The following CTBP1 variants were observed in gnomAD, a reference collection of about 807,000 sequenced individuals.
The protein encoded by CTBP1 is C-terminal-binding protein 1.
CTBP1 carries 11 observed loss-of-function variants against 42.1 expected under a neutral mutation model. The observed-to-expected ratio is 0.26, with a 90% confidence interval of 0.16 to 0.43. The LOEUF is 0.43. Ranked by LOEUF, CTBP1 falls within the 20% of genes least tolerant of loss-of-function variation. The pLI, the probability that CTBP1 is intolerant of heterozygous loss-of-function variation, is 1.00. For missense variants in CTBP1, 399 were observed against 624.3 expected (o/e 0.64, Z 3.85); for synonymous variants, 324 against 277.1 (o/e 1.17, Z -1.68).
intron 1 of CTBP1, chr4:1,245,158 CCTTGGACGGCAG>C: frequency 1.0e-6 from 1 of 985,460 alleles, no homozygotes; most frequent in Non-Finnish European, 1.2e-6. Context: ...CGATACGGCA[CCTTGGACGGCAG>C]CATCCCTGTG....
rs759489298 is a variant in CTBP1, at chr4:1,215,982, T to A, written c.729+9A>T. ...AGAAGTAGAGTCCTGTGTCCCCGGC[T>A]CCACGCACCTGCTTGACGGTGAAGT... is the stretch of plus-strand genomic sequence containing the variant. On this transcript the variant is annotated intron_variant, in intron 6 of 9. Transcript: ENST00000382952. The A allele has an allele frequency of 1.8e-5, 29 of 1,604,224 alleles. No individual in the cohort carries two copies. The South Asian group carries it at 3.1e-4, about 17-fold the overall frequency.
intron 6 of CTBP1, 141 bp from the exon 7 acceptor site, chr4:1,214,614 G>T (rs972267712): frequency 2.7e-6 from 3 of 1,130,558 alleles, no homozygotes; most frequent in Non-Finnish European, 3.6e-6. Context: ...TCACCACGGC[G>T]CTAGGACTGA....
Position 1,212,339 on chromosome 4 carries a change from G to T in CTBP1, c.1191C>A (p.Ser397=), listed in dbSNP as rs137891531. ...GGTGGGCCACAGGGGGCAGGCCGTG[G>T]GACAGGGACATGGCGCTGGGGACGA... is the stretch of plus-strand genomic sequence containing the variant. ...EGIVPSAMSL[S]HGLPPVAHPP... The change falls in exon 10 of 10, where the codon TCC becomes TCA. Residue 397 remains serine (S), a synonymous_variant. Transcript: ENST00000382952. 2.5e-4 allele frequency: 385 copies of T among 1,519,808 alleles called. 2 individuals are homozygous for T. The South Asian group carries it at 3.7e-3, about 15-fold the overall frequency. The allele number at this position is 1,519,808 out of a possible 1,614,324, so 94.1% of individuals were successfully genotyped here. A position where few individuals can be genotyped will look rare whatever the true frequency, so the allele number is the denominator to read the frequency against.
chr4:1,219,977 T>C (rs1729553267), intron 5 of CTBP1, among the ~76,000 whole-genome samples: 1 of 152,162 alleles, frequency 6.6e-6, no homozygotes. Context: ...GAGGCCAAGA[T>C]GGGTGGATCA....
At chr4:1,229,712 G>C (rs1051476929) in intron 3 of CTBP1, among the ~76,000 whole-genome samples, 3 of 152,212 alleles carry the variant, frequency 2.0e-5, no homozygotes, top group African/African-American at 7.2e-5. Flanking sequence ...ACGTGGGCAG[G>C]GTGAGGGCAG....
intron 5 of CTBP1, chr4:1,223,623 C>G (rs977739557): frequency 2.5e-6 from 1 of 397,066 alleles, no homozygotes; most frequent in Non-Finnish European, 5.0e-6. Flanking sequence ...GGGAGACAGG[C>G]AGCTGGGCCA....
chr4:1,217,885 G>C (rs1263072751), intron 5 of CTBP1: 1 of 152,242 alleles, frequency 6.6e-6, no homozygotes, highest in Non-Finnish European at 1.5e-5. Context: ...AACATGCTCA[G>C]AGATGACAAC....
intron 5 of CTBP1, among the ~76,000 whole-genome samples, chr4:1,224,607 G>A (rs1443245020): frequency 1.3e-5 from 2 of 150,686 alleles, no homozygotes; most frequent in Non-Finnish European, 3.0e-5. Flanking sequence ...ACGATGTCTT[G>A]TGTGAGGCCT....
rs1261684087 is a variant in CTBP1 at position 1,233,058 on chromosome 4, A to T, written c.163-4715T>A. 6.6e-6 allele frequency: 1 copy of T among 152,446 alleles called. No homozygotes were observed. The highest frequency in any genetic ancestry group is 2.4e-5 in the African/African-American group (1 of 41,446). The allele number at this position is 152,446 out of a possible 1,614,324, so 9.4% of individuals were successfully genotyped here. ...GGGGGTCGCACTGCACCCGAGGCTC[A>T]GCTGGGCACTGGGCAGTCTGCCTGG... On this transcript the variant is annotated intron_variant, in intron 3 of 9. Coordinates refer to ENST00000382952, the MANE Select transcript of CTBP1 (RefSeq NM_001012614.2). The surrounding 1 kb of genome is among the most constrained non-coding windows in gnomAD (Gnocchi z 4.6).
chr4:1,212,778 T>G lies in CTBP1; in HGVS notation c.1106+135A>C, dbSNP rs975616263. The G allele has an allele frequency of 4.6e-5, 35 of 757,594 alleles. No homozygotes were observed. The African/African-American group carries it at 5.9e-4, about 13-fold the overall frequency. The allele number at this position is 757,594 out of a possible 1,614,324, so 46.9% of individuals were successfully genotyped here. A position where few individuals can be genotyped will look rare whatever the true frequency, so the allele number is the denominator to read the frequency against. On this transcript the variant is annotated intron_variant, in intron 9 of 9. Coordinates refer to ENST00000382952, the MANE Select transcript of CTBP1 (RefSeq NM_001012614.2). ...TTCTCATGGGCCTTTCAGGTGAGGT[T>G]GGCCTTACCAATTCTACCCAGATCC...
At chr4:1,249,693 G>T (rs927554804), upstream of CTBP1, 14 of 410,522 alleles carry the variant, frequency 3.4e-5, 1 homozygote, top group East Asian at 1.1e-4. Flanking sequence ...GGAGAAGCGC[G>T]CCTGCCCCAG....
intron 1 of CTBP1, chr4:1,242,545 A>G (rs570973417): frequency 2.0e-6 from 2 of 984,990 alleles, no homozygotes; most frequent in Admixed American, 6.1e-5. Context: ...GGATTCAAGC[A>G]TACATGCCGA....
In CTBP1 at chr4:1,216,152, G is replaced by T; in HGVS notation, c.568C>A (p.Leu190Ile). Reference protein sequence around the residue: ...LRAKAFGFNVLFYDPYLSDGV... With the variant: ...LRAKAFGFNVIFYDPYLSDGV... ...TCCGACAAGTAAGGGTCGTAGAAGAGCACGTTGAAGCCGAAGGCCTTGGCC... is the reference window on the plus strand; with the variant it reads ...TCCGACAAGTAAGGGTCGTAGAAGATCACGTTGAAGCCGAAGGCCTTGGCC... Residue 190 changes from leucine to isoleucine, a missense_variant, in exon 6 of 10, where the codon CTC becomes ATC. By Grantham distance (5) the Leu-to-Ile change is conservative. Transcript: ENST00000382952. The T allele has an allele frequency of 6.2e-7, 1 of 1,611,076 alleles. No individual in the cohort carries two copies. Among genetic ancestry groups the T allele is most frequent in the Non-Finnish European group, 8.5e-7 (1 of 1,179,852 alleles).
chr4:1,223,343 G>T, intron 5 of CTBP1: 1 of 425,914 alleles, frequency 2.3e-6, no homozygotes, highest in Non-Finnish European at 4.8e-6. Context: ...GGGGGCACCA[G>T]CAAGACCGTG....
chr4:1,239,318 G>A lies in CTBP1; in HGVS notation c.8-981C>T, dbSNP rs369992427. Among the ~76,000 whole-genome samples the A allele has an allele frequency of 1.8e-4, 27 of 152,300 alleles. No homozygotes were observed. The East Asian group carries it at 3.3e-3, about 19-fold the overall frequency. On this transcript the variant is annotated intron_variant, in intron 2 of 9. Coordinates refer to ENST00000382952, the MANE Select transcript of CTBP1 (RefSeq NM_001012614.2). The stretch of plus-strand genomic sequence containing the variant: ...AGCCCCACGGCAGCTGGGCAGAGGC[G>A]GAGCTGGGGCCAGGGCCCAGCCGGT...
intron 1 of CTBP1, chr4:1,242,490 G>A (rs1314015521): frequency 7.1e-6 from 7 of 985,076 alleles, no homozygotes; most frequent in South Asian, 4.7e-5. Flanking sequence ...CCGCCCCTGC[G>A]CAGAGGCCTC....
intron 1 of CTBP1, among the ~76,000 whole-genome samples, chr4:1,246,308 G>A (rs900271350): frequency 6.6e-5 from 10 of 152,086 alleles, no homozygotes; most frequent in Non-Finnish European, 8.8e-5. Flanking sequence ...TCCCTTGGGC[G>A]ATGCAGTTCA....
At chr4:1,244,042 G>A in intron 1 of CTBP1, 1 of 985,448 alleles carries the variant, frequency 1.0e-6, no homozygotes, top group Non-Finnish European at 1.2e-6. Context: ...AAGTAAATGG[G>A]GGTGAGGTGA....
chr4:1,232,811 G>A (rs1292155065), intron 3 of CTBP1: 1 of 152,224 alleles, frequency 6.6e-6, no homozygotes, highest in Non-Finnish European at 1.5e-5. Flanking sequence ...CTGTGGTGGG[G>A]GGAGCTGCTG....
Sources: gnomAD v4.1 joint callset for allele counts (sites outside exome capture counted in the v4.1 genomes callset) on GRCh38, gnomAD v4.1.1 for gene constraint, Gnocchi (gnomAD v3.1) non-coding constraint, MANE v1.5 for transcripts, NCBI Gene and HGNC (gene_info 2026-07-23, HGNC 2026-07-21) for gene names.